Variants in CALN1 observed in about 807,000 individuals in gnomAD.
CALN1 encodes the protein calneuron 1, also known as calcium-binding protein 8.
CALN1 carries 17 observed loss-of-function variants against 30.6 expected under a neutral mutation model. The ratio of observed to expected loss-of-function variants is 0.56; its 90% CI spans 0.38 to 0.83. The LOEUF is 0.83. Ranked by LOEUF, CALN1 falls within the 40% of genes least tolerant of loss-of-function variation. CALN1 has a pLI of 0.00. For missense variants in CALN1, 291 were observed against 354.9 expected (o/e 0.82, Z 1.45); for synonymous variants, 156 against 131.4 (o/e 1.19, Z -1.28).
In CALN1 at chr7:72,271,575, A is replaced by AAAAAATAT; in HGVS notation, c.244+7110_244+7111insATATTTTT. 4.2e-4 allele frequency among the ~76,000 whole-genome samples: 22 copies of AAAAAATAT among 52,124 alleles called. 2 individuals carry two copies. The highest frequency in any genetic ancestry group is 2.4e-3 in the Admixed American group (12 of 5,098). 34.2% of individuals were successfully genotyped at this position (52,124 alleles called of 152,430 possible). ...CTGTGCCTGCCTTTTAAAAAAAAAAAATATATATATATATATATAGTTTTC... is the reference window on the plus strand; with the variant it reads ...CTGTGCCTGCCTTTTAAAAAAAAAAAAAAAATATATATATATATATATATATAGTTTTC... On this transcript the variant is annotated intron_variant, in intron 3 of 6. Transcript: ENST00000395275.
At chr7:72,298,080 A>G (rs1213631795) in intron 2 of CALN1, among the ~76,000 whole-genome samples, 1 of 152,172 alleles carries the variant, frequency 6.6e-6, no homozygotes, top group East Asian at 1.9e-4. Flanking sequence ...ATTTTCAAAA[A>G]TGTTCTTTCC....
intron 5 of CALN1, among the ~76,000 whole-genome samples, chr7:71,881,910 A>T (rs890988984): frequency 2.7e-5 from 2 of 73,082 alleles, no homozygotes; most frequent in Non-Finnish European, 6.3e-5. Context: ...CTATATTTAC[A>T]AAAAAAAAAA....
intron 4 of CALN1, among the ~76,000 whole-genome samples, chr7:72,076,397 G>A (rs1304028887): frequency 2.6e-5 from 4 of 151,296 alleles, no homozygotes; most frequent in Non-Finnish European, 2.9e-5. Context: ...TCGGGAGTTC[G>A]AGACCAGCCT....
At chr7:71,960,610 C>T (rs1045987210) in intron 5 of CALN1, among the ~76,000 whole-genome samples, 1 of 152,106 alleles carries the variant, frequency 6.6e-6, no homozygotes, top group Non-Finnish European at 1.5e-5. Context: ...CATATCTTTG[C>T]TATTGTGAAT....
chr7:71,923,999 C>T (rs1795121458), intron 5 of CALN1, among the ~76,000 whole-genome samples: 1 of 152,094 alleles, frequency 6.6e-6, no homozygotes, highest in Admixed American at 6.5e-5. Flanking sequence ...TCAAGACCAT[C>T]CTGGCCAACA....
rs1010635078 is a variant in CALN1, at chr7:71,978,262, C to CTTTTTTTTTTTTTTTTTT, written c.501+45377_501+45394dup. On this transcript the variant is annotated intron_variant, in intron 5 of 6. Coordinates refer to ENST00000395275, the MANE Select transcript of CALN1 (RefSeq NM_031468.4). ...AAAAACTCAGGGACTCTAGAGAATT[C>CTTTTTTTTTTTTTTTTTT]TTTTTTTTTTTTTTTTTTTTTTTTT... is the stretch of plus-strand genomic sequence containing the variant. 4.1e-4 allele frequency among the ~76,000 whole-genome samples: 30 copies of CTTTTTTTTTTTTTTTTTT among 72,934 alleles called. 2 individuals are homozygous for CTTTTTTTTTTTTTTTTTT. Among genetic ancestry groups the CTTTTTTTTTTTTTTTTTT allele is most frequent in the African/African-American group, 1.7e-3 (30 of 17,636 alleles). 47.8% of individuals were successfully genotyped at this position (72,934 alleles called of 152,430 possible).
In CALN1 at chr7:72,205,557, T is replaced by TACATAC. The variant is rs1246795736; in HGVS notation, c.244+73128_244+73129insGTATGT. On this transcript the variant is annotated intron_variant, in intron 3 of 6. Coordinates refer to ENST00000395275, the MANE Select transcript of CALN1 (RefSeq NM_031468.4). ...CTCCTGATTGCAAAAAAAAAATATA[T>TACATAC]ATATATATATGTATATATATATATA... 7.3e-5 allele frequency among the ~76,000 whole-genome samples: 8 copies of TACATAC among 109,930 alleles called. 1 individual carries two copies. The highest frequency in any genetic ancestry group is 3.5e-4 in the African/African-American group (8 of 23,100). The allele number at this position is 109,930 out of a possible 152,430, so 72.1% of individuals were successfully genotyped here. A position where few individuals can be genotyped will look rare whatever the true frequency, so the allele number is the denominator to read the frequency against.
chr7:72,224,840 G>A (rs1316078236), intron 3 of CALN1, among the ~76,000 whole-genome samples: 1 of 152,042 alleles, frequency 6.6e-6, no homozygotes, highest in Non-Finnish European at 1.5e-5. Flanking sequence ...TGTAATCCCA[G>A]CACTTTGGGA....
intron 3 of CALN1, among the ~76,000 whole-genome samples, chr7:72,111,491 T>C (rs537392801): frequency 6.6e-6 from 1 of 152,308 alleles, no homozygotes; most frequent in East Asian, 1.9e-4. Flanking sequence ...ATAGTCTTGC[T>C]CTGTTGCCCA....
chr7:72,252,228 C>T (rs1486565204), intron 3 of CALN1, among the ~76,000 whole-genome samples: 1 of 152,142 alleles, frequency 6.6e-6, no homozygotes, highest in African/African-American at 2.4e-5. Flanking sequence ...AGTCCTCCCT[C>T]ACTTCTTTCT....
chr7:72,331,688 GT>G (rs776261603), intron 2 of CALN1, among the ~76,000 whole-genome samples: 3 of 151,644 alleles, frequency 2.0e-5, no homozygotes, highest in Non-Finnish European at 4.4e-5. Flanking sequence ...CTGTTACCTT[GT>G]TTTTTTTCCA....
intron 5 of CALN1, among the ~76,000 whole-genome samples, chr7:71,855,456 C>T (rs1359703068): frequency 6.6e-6 from 1 of 152,166 alleles, no homozygotes; most frequent in Non-Finnish European, 1.5e-5. Flanking sequence ...TATCCCCCAC[C>T]TCAACTTGGA....
intron 5 of CALN1, among the ~76,000 whole-genome samples, chr7:72,009,760 T>G (rs1425292924): frequency 1.3e-5 from 2 of 152,296 alleles, no homozygotes; most frequent in East Asian, 1.9e-4. Context: ...TCCCTTTCAT[T>G]TGGCTCTCAT....
intron 2 of CALN1, chr7:72,336,932 G>A (rs912738921): frequency 2.2e-5 from 22 of 984,960 alleles, no homozygotes; most frequent in Non-Finnish European, 2.7e-5. Flanking sequence ...CGCGCGCCGG[G>A]ACCTGCACGA....
intron 4 of CALN1, among the ~76,000 whole-genome samples, chr7:72,047,885 A>G (rs548913259): frequency 2.6e-5 from 4 of 152,210 alleles, no homozygotes; most frequent in African/African-American, 7.2e-5. Context: ...TAAAAACGGG[A>G]AAGTGCTGCA....
chr7:72,481,142 G>A, the CALN1 span, among the ~76,000 whole-genome samples: 1 of 152,136 alleles, frequency 6.6e-6, no homozygotes, highest in East Asian at 1.9e-4. Context: ...TGGTAGAGAC[G>A]GGTTTTGCCA....
intron 5 of CALN1, among the ~76,000 whole-genome samples, chr7:71,835,774 C>T (rs548984100): frequency 5.9e-5 from 9 of 152,282 alleles, no homozygotes; most frequent in Middle Eastern, 3.4e-3. Context: ...AACACACCGA[C>T]CCCACTAGAG....
chr7:72,294,633 C>A (rs1318102815), intron 2 of CALN1, among the ~76,000 whole-genome samples: 1 of 151,880 alleles, frequency 6.6e-6, no homozygotes, highest in African/African-American at 2.4e-5. Context: ...CCTGTAGTCT[C>A]AGCTACTTCG....
chr7:72,162,848 C>A (rs1212393868), intron 3 of CALN1, among the ~76,000 whole-genome samples: 3 of 152,302 alleles, frequency 2.0e-5, no homozygotes, highest in East Asian at 3.9e-4. Context: ...TTAAGGATAA[C>A]TTAAAGTCTT....
Sources: allele counts gnomAD v4.1 joint callset (sites outside exome capture counted in the v4.1 genomes callset), GRCh38; gene constraint gnomAD v4.1.1; transcripts MANE v1.5; gene names NCBI Gene and HGNC (gene_info 2026-07-23, HGNC 2026-07-21).